The following DERA variants were observed in gnomAD, a reference collection of about 807,000 sequenced individuals.
The protein encoded by DERA is 2-deoxy-D-ribose 5-phosphate aldolase.
Under a neutral mutation model 41.1 loss-of-function variants are expected in DERA, and 15 were observed. That is an observed-to-expected ratio of 0.37 (90% CI 0.24 to 0.56). The LOEUF is 0.56. Among genes scored for constraint, DERA ranks in the 20% least tolerant of loss-of-function variants. The pLI, the probability that DERA is intolerant of heterozygous loss-of-function variation, is 0.81. For missense variants in DERA, 396 were observed against 403.4 expected, an observed-to-expected ratio of 0.98 and a Z score of 0.16; for synonymous variants, 139 against 137.4, an observed-to-expected ratio of 1.01 and a Z score of -0.08.
intron 6 of DERA, among the ~76,000 whole-genome samples, chr12:16,032,335 G>T (rs1949098126): frequency 6.6e-6 from 1 of 152,116 alleles, no homozygotes; most frequent in Non-Finnish European, 1.5e-5. Context: ...AATATATTTG[G>T]TGCCTAATAC....
intron 1 of DERA, among the ~76,000 whole-genome samples, chr12:15,948,521 G>C (rs1948469647): frequency 6.6e-6 from 1 of 152,122 alleles, no homozygotes; most frequent in African/African-American, 2.4e-5. Context: ...TCATCATGTA[G>C]CTCTCGTGCC....
chr12:15,963,965 TTCAG>T (rs1352733138), intron 5 of DERA, among the ~76,000 whole-genome samples: 2 of 152,180 alleles, frequency 1.3e-5, no homozygotes, highest in East Asian at 1.9e-4. Flanking sequence ...GTAGCAAATG[TTCAG>T]TCAGTGGTTT....
In DERA at chr12:16,008,628, G is replaced by A. The variant is rs1022216964; in HGVS notation, c.638-23914G>A. Among the ~76,000 whole-genome samples the A allele has an allele frequency of 6.6e-6, 1 of 152,248 alleles. No homozygotes were observed. Among genetic ancestry groups the A allele is most frequent in the African/African-American group, 2.4e-5 (1 of 41,464 alleles). On this transcript the variant is annotated intron_variant, in intron 6 of 8. Transcript: ENST00000428559. This position sits in a 1 kb window ranked among gnomAD's most constrained non-coding sequence, Gnocchi z 4.8. ...TGTGGCCACAGATAGCACGGAACATGATAACGGTGGCTTAAATTGTTTTTT... is the reference window on the plus strand; with the variant it reads ...TGTGGCCACAGATAGCACGGAACATAATAACGGTGGCTTAAATTGTTTTTT...
chr12:15,922,560 T>G lies in DERA; in HGVS notation c.31+11146T>G, dbSNP rs147420307. Reference sequence around the variant, plus strand: ...GATGCTGATAATACTGAAGACCGTCTGAAAGAAAAGCATCCTAGAGAAAGT... The same window carrying G: ...GATGCTGATAATACTGAAGACCGTCGGAAAGAAAAGCATCCTAGAGAAAGT... On this transcript the variant is annotated intron_variant, in intron 1 of 8. Coordinates refer to ENST00000428559, the MANE Select transcript of DERA (RefSeq NM_015954.4). The surrounding 1 kb of genome is among the most constrained non-coding windows in gnomAD (Gnocchi z 4.9). 5.0e-3 allele frequency among the ~76,000 whole-genome samples: 766 copies of G among 152,358 alleles called. 13 individuals are homozygous for G. Among genetic ancestry groups the G allele is most frequent in the African/African-American group, 0.017 (726 of 41,588 alleles).
chr12:16,036,228 T>G lies in DERA; in HGVS notation c.751-4T>G, dbSNP rs753019695. The G allele has an allele frequency of 6.3e-7, 1 of 1,593,390 alleles. No homozygotes were observed. The highest frequency in any genetic ancestry group is 1.8e-5 in the Admixed American group (1 of 55,212). ...ATTGTTCTATTCTCTGCCTTCCCAT[T>G]TAGATAGGGTTTAAACCAGCAGGAG... On this transcript the variant is annotated splice_polypyrimidine_tract_variant and splice_region_variant and intron_variant, in intron 7 of 8. Coordinates refer to ENST00000428559, the MANE Select transcript of DERA (RefSeq NM_015954.4). The surrounding 1 kb of genome is among the most constrained non-coding windows in gnomAD (Gnocchi z 4.9).
At position 15,943,140 on chromosome 12, in the gene DERA, A is replaced by G. The variant is rs1299218273; in HGVS notation, c.32-13796A>G. On this transcript the variant is annotated intron_variant, in intron 1 of 8. Transcript: ENST00000428559. The surrounding 1 kb of genome is among the most constrained non-coding windows in gnomAD (Gnocchi z 4.5). ...CTGAGGCTGTTTATGGGTAGTGAGC[A>G]GAGGAAGCTCTTCTTTGAATTTTGT... is the stretch of plus-strand genomic sequence containing the variant. 6.6e-6 allele frequency among the ~76,000 whole-genome samples: 1 copy of G among 152,232 alleles called. No individual in the cohort carries two copies. Among genetic ancestry groups the G allele is most frequent in the African/African-American group, 2.4e-5 (1 of 41,450 alleles).
In DERA at chr12:16,032,610, A is replaced by G. The variant is rs1383584232; in HGVS notation, c.706A>G (p.Met236Val). The G allele has an allele frequency of 3.8e-6, 6 of 1,568,110 alleles. No homozygotes were observed. The highest frequency in any genetic ancestry group is 5.2e-6 in the Non-Finnish European group (6 of 1,155,188). ...VNATFPVAIVMLRAIRDFFWK... is the reference protein window; with the variant it reads ...VNATFPVAIVVLRAIRDFFWK... ...TGCCACCTTCCCGGTAGCTATAGTA[A>G]TGCTGCGGGCCATTAGAGATTTCTT... The change falls in exon 7 of 9, where the codon ATG becomes GTG. Residue 236 changes from methionine (M) to valine (V), a missense_variant. By Grantham distance (21) the Met-to-Val change is conservative. Transcript: ENST00000428559.
At chr12:16,005,483 C>T (rs993295315) in intron 6 of DERA, among the ~76,000 whole-genome samples, 3 of 152,078 alleles carry the variant, frequency 2.0e-5, no homozygotes, top group Non-Finnish European at 2.9e-5. Context: ...TCGCTTCAAC[C>T]GAGTGAATGA....
chr12:15,994,904 C>T lies in DERA; in HGVS notation c.637+12468C>T, dbSNP rs1449498617. Among the ~76,000 whole-genome samples, 2 of 152,136 alleles carry T rather than the reference C, an allele frequency of 1.3e-5. No homozygotes were observed. The highest frequency in any genetic ancestry group is 4.8e-5 in the African/African-American group (2 of 41,422). On this transcript the variant is annotated intron_variant, in intron 6 of 8. Coordinates refer to ENST00000428559, the MANE Select transcript of DERA (RefSeq NM_015954.4). This position sits in a 1 kb window ranked among gnomAD's most constrained non-coding sequence, Gnocchi z 4.8. ...GAAGTTGGTAGTTTATAAATTCTTTCTGCAGTAATCCCAAGAGGGAGGGAG... is the reference window on the plus strand; with the variant it reads ...GAAGTTGGTAGTTTATAAATTCTTTTTGCAGTAATCCCAAGAGGGAGGGAG...
chr12:15,991,877 C>G (rs1386461723), intron 6 of DERA, among the ~76,000 whole-genome samples: 1 of 152,100 alleles, frequency 6.6e-6, no homozygotes, highest in African/African-American at 2.4e-5. Context: ...ACCAGTTCCT[C>G]TCTCTGTTAT....
Position 15,943,483 on chromosome 12 carries a change from CATG to C in DERA, c.32-13452_32-13450del, listed in dbSNP as rs1948422872. Among the ~76,000 whole-genome samples the C allele has an allele frequency of 6.6e-6, 1 of 152,130 alleles. No individual in the cohort carries two copies. Among genetic ancestry groups the C allele is most frequent in the Admixed American group, 6.5e-5 (1 of 15,274 alleles). On this transcript the variant is annotated intron_variant, in intron 1 of 8. Coordinates refer to ENST00000428559, the MANE Select transcript of DERA (RefSeq NM_015954.4). This position sits in a 1 kb window ranked among gnomAD's most constrained non-coding sequence, Gnocchi z 4.5. ...ATTCTCTAAAAGACTTCCCATCTCACATGGGAAAACCTTTCTGTGCTGAAAAAA... is the reference window on the plus strand; with the variant it reads ...ATTCTCTAAAAGACTTCCCATCTCACGGAAAACCTTTCTGTGCTGAAAAAA...
rs1948381173 is a variant in DERA at position 15,938,002 on chromosome 12, C to T, written c.32-18934C>T. 6.6e-6 allele frequency among the ~76,000 whole-genome samples: 1 copy of T among 152,136 alleles called. No homozygotes were observed. The highest frequency in any genetic ancestry group is 1.5e-5 in the Non-Finnish European group (1 of 68,022). On this transcript the variant is annotated intron_variant, in intron 1 of 8. Transcript: ENST00000428559. The surrounding 1 kb of genome is among the most constrained non-coding windows in gnomAD (Gnocchi z 4.1). ...CTTTGTTTTGAGGAAGCTCTAATAT[C>T]TTGTTGGCAACATCCAAGTAAATAA... is the stretch of plus-strand genomic sequence containing the variant.
rs1332830317 is a variant in DERA at position 15,938,511 on chromosome 12, A to G, written c.32-18425A>G. On this transcript the variant is annotated intron_variant, in intron 1 of 8. Coordinates refer to ENST00000428559, the MANE Select transcript of DERA (RefSeq NM_015954.4). This position sits in a 1 kb window ranked among gnomAD's most constrained non-coding sequence, Gnocchi z 4.1. The stretch of plus-strand genomic sequence containing the variant: ...ATAAGCTTCTTAGCTGTATCAATCT[A>G]TGTGTCTAAGTTGCATTTTGTGTTT... 2.6e-5 allele frequency among the ~76,000 whole-genome samples: 4 copies of G among 152,154 alleles called. No homozygotes were observed. The highest frequency in any genetic ancestry group is 2.1e-4 in the South Asian group (1 of 4,832).
In DERA at chr12:15,954,164, C is replaced by T. The variant is rs1248774416; in HGVS notation, c.32-2772C>T. On this transcript the variant is annotated intron_variant, in intron 1 of 8. Coordinates refer to ENST00000428559, the MANE Select transcript of DERA (RefSeq NM_015954.4). This position sits in a 1 kb window ranked among gnomAD's most constrained non-coding sequence, Gnocchi z 4.0. ...CCAGGCATCCCATTCATACCTCAGT[C>T]CCATATTTTCTTGTAGAGATCCAAA... 1.3e-5 allele frequency among the ~76,000 whole-genome samples: 2 copies of T among 152,192 alleles called. No individual in the cohort carries two copies. Among genetic ancestry groups the T allele is most frequent in the East Asian group, 3.8e-4 (2 of 5,198 alleles).
At chr12:16,028,185 C>A (rs1949065379) in intron 6 of DERA, among the ~76,000 whole-genome samples, 1 of 152,134 alleles carries the variant, frequency 6.6e-6, no homozygotes, top group African/African-American at 2.4e-5. Context: ...TATACCAGGA[C>A]TGGTGCAGAA....
intron 1 of DERA, among the ~76,000 whole-genome samples, chr12:15,923,498 T>A (rs1464708403): frequency 6.6e-6 from 1 of 152,182 alleles, no homozygotes; most frequent in Non-Finnish European, 1.5e-5. Context: ...TAATCTTCTC[T>A]GGCTTTCAAG....
intron 5 of DERA, among the ~76,000 whole-genome samples, chr12:15,968,070 A>C: frequency 6.9e-6 from 1 of 144,714 alleles, no homozygotes; most frequent in East Asian, 2.0e-4. Context: ...CTAACTCAGG[A>C]CTCTTTCTTC....
At position 15,928,230 on chromosome 12, in the gene DERA, C is replaced by T. The variant is rs1414992955; in HGVS notation, c.31+16816C>T. Among the ~76,000 whole-genome samples, 1 of 152,202 alleles carries T rather than the reference C, an allele frequency of 6.6e-6. No individual in the cohort carries two copies. The highest frequency in any genetic ancestry group is 1.5e-5 in the Non-Finnish European group (1 of 68,042). On this transcript the variant is annotated intron_variant, in intron 1 of 8. Transcript: ENST00000428559. The surrounding 1 kb of genome is among the most constrained non-coding windows in gnomAD (Gnocchi z 4.6). ...CTGTGCAGTAGATCTCAAAGACTTACTTTTCTTGTATGACTGAAACTTTGT... is the reference window on the plus strand; with the variant it reads ...CTGTGCAGTAGATCTCAAAGACTTATTTTTCTTGTATGACTGAAACTTTGT...
rs1948325768 is a variant in DERA at position 15,931,267 on chromosome 12, A to G, written c.31+19853A>G. On this transcript the variant is annotated intron_variant, in intron 1 of 8. Coordinates refer to ENST00000428559, the MANE Select transcript of DERA (RefSeq NM_015954.4). This position sits in a 1 kb window ranked among gnomAD's most constrained non-coding sequence, Gnocchi z 4.6. ...GTATAAATTCAATAAGTAACAGAGC[A>G]TTATTGGACATTCTAAAATTTTAAT... 6.6e-6 allele frequency among the ~76,000 whole-genome samples: 1 copy of G among 152,160 alleles called. No homozygotes were observed. The highest frequency in any genetic ancestry group is 1.5e-5 in the Non-Finnish European group (1 of 68,024).
Sources: gnomAD v4.1 joint callset for allele counts (sites outside exome capture counted in the v4.1 genomes callset) on GRCh38, gnomAD v4.1.1 for gene constraint, Gnocchi (gnomAD v3.1) non-coding constraint, MANE v1.5 for transcripts, NCBI Gene and HGNC (gene_info 2026-07-23, HGNC 2026-07-21) for gene names.